ADAMTSL2: variants seen among roughly 807,000 people sequenced by gnomAD.
The protein encoded by ADAMTSL2 is ADAMTS-like protein 2.
In ADAMTSL2, 55 loss-of-function variants were observed where a neutral mutation model predicts 117.0. That is an observed-to-expected ratio of 0.47 (90% confidence interval 0.38 to 0.59). The LOEUF is 0.59. ADAMTSL2 is among the 20% of genes least tolerant of loss of function. The pLI, the probability that ADAMTSL2 is intolerant of heterozygous loss-of-function variation, is 0.00. For synonymous variants in ADAMTSL2, 572 were observed against 566.4 expected (o/e 1.01, Z -0.14); for missense variants, 1,182 against 1,354.5 (o/e 0.87, Z 2.00).
chr9:133,569,060 C>T (rs1265633915), intron 15 of ADAMTSL2, among the ~76,000 whole-genome samples: 6 of 151,708 alleles, frequency 4.0e-5, no homozygotes, highest in South Asian at 2.1e-4. Context: ...TGTTTGTCTC[C>T]GAGTCTCTCT....
Position 133,554,707 on chromosome 9 carries a change from G to A in ADAMTSL2, c.1276+14G>A. The A allele has an allele frequency of 1.4e-6, 2 of 1,476,878 alleles. No individual in the cohort carries two copies. The highest frequency in any genetic ancestry group is 2.5e-5 in the East Asian group (1 of 40,630). The allele number at this position is 1,476,878 out of a possible 1,614,324, so 91.5% of individuals were successfully genotyped here. On this transcript the variant is annotated intron_variant, in intron 10 of 18. Coordinates refer to ENST00000651351, the MANE Select transcript of ADAMTSL2 (RefSeq NM_014694.4). The surrounding 1 kb of genome is among the most constrained non-coding windows in gnomAD (Gnocchi z 5.2). ...AGGGCTTCCGAGGTAACCAGGAGGA[G>A]GGAGGCATGAGGGTGGGGCCCGGGA...
intron 1 of ADAMTSL2, 72 bp downstream of exon 1, chr9:133,534,989 T>TG (rs1403210400): frequency 1.5e-6 from 2 of 1,321,514 alleles, no homozygotes; most frequent in East Asian, 6.2e-5. Flanking sequence ...AGAGTGGGGC[T>TG]GGGGGTAGGA....
chr9:133,565,663 C>T (rs1830952666), intron 12 of ADAMTSL2, among the ~76,000 whole-genome samples: 1 of 152,240 alleles, frequency 6.6e-6, no homozygotes, highest in Admixed American at 6.5e-5. Context: ...CTGTTTCGTT[C>T]CATCCAGCGC....
intron 18 of ADAMTSL2, among the ~76,000 whole-genome samples, 167 bp from the exon 19 acceptor site, chr9:133,574,579 G>C (rs1831184186): frequency 6.6e-6 from 1 of 152,176 alleles, no homozygotes; most frequent in South Asian, 2.1e-4. Context: ...CGACATCTTG[G>C]GGACAGAGAT....
rs1206139355 is a variant in ADAMTSL2, at chr9:133,568,170, T to A, written c.1875-103T>A. ...TTGTTGTGTGCGGTTTTGGACCACA[T>A]AGGGGAGGAAGGGAGGAGCCGCGTT... On this transcript the variant is annotated intron_variant, in intron 13 of 18. Transcript: ENST00000651351. 7 of 1,208,196 alleles carry A rather than the reference T, an allele frequency of 5.8e-6. No individual in the cohort carries two copies. The Admixed American group carries it at 1.4e-4, about 24-fold the overall frequency. 74.8% of individuals were successfully genotyped at this position (1,208,196 alleles called of 1,614,324 possible). A position where few individuals can be genotyped will look rare whatever the true frequency, so the allele number is the denominator to read the frequency against.
At position 133,554,569 on chromosome 9, in the gene ADAMTSL2, G is replaced by T; in HGVS notation, c.1152G>T (p.Arg384=). 1 of 1,546,758 alleles carries T rather than the reference G, an allele frequency of 6.5e-7. No individual in the cohort carries two copies. The highest frequency in any genetic ancestry group is 1.2e-5 in the South Asian group (1 of 84,078). ...CAGAGCGGCTGGGCCTGGACAACCG[G>T]CTGTTCGGCCACCCGGGCCTGGACA... ...ASSERLGLDN[R]LFGHPGLDME... The change falls in exon 10 of 19, where the codon CGG becomes CGT. Residue 384 remains arginine, a synonymous_variant. Coordinates refer to ENST00000651351, the MANE Select transcript of ADAMTSL2 (RefSeq NM_014694.4). This position sits in a 1 kb window ranked among gnomAD's most constrained non-coding sequence, Gnocchi z 5.2.
chr9:133,573,022 G>A (rs951723429), intron 17 of ADAMTSL2, among the ~76,000 whole-genome samples: 3 of 152,208 alleles, frequency 2.0e-5, no homozygotes, highest in East Asian at 1.9e-4. Flanking sequence ...CCCCTGGCTC[G>A]GAGCAGGCAG....
At chr9:133,538,632 T>A (rs1858838) in intron 4 of ADAMTSL2, among the ~76,000 whole-genome samples, 2 of 151,892 alleles carry the variant, frequency 1.3e-5, no homozygotes, top group African/African-American at 4.8e-5. Context: ...GTCCCTGTGC[T>A]CACATGTGCT....
intron 11 of ADAMTSL2, among the ~76,000 whole-genome samples, chr9:133,559,914 G>A (rs970906125): frequency 6.6e-6 from 1 of 152,296 alleles, no homozygotes; most frequent in Admixed American, 6.5e-5. Flanking sequence ...AGCTCCTGTG[G>A]GTAGATCATT....
rs1830620876 is a variant in ADAMTSL2, at chr9:133,557,152, G to A, written c.1649+1222G>A. Among the ~76,000 whole-genome samples, 1 of 152,146 alleles carries A rather than the reference G, an allele frequency of 6.6e-6. No individual in the cohort carries two copies. Among genetic ancestry groups the A allele is most frequent in the Admixed American group, 6.5e-5 (1 of 15,284 alleles). ...TCAGGGTTCACTCTCGAGGTGATGT[G>A]GTTTGGGGCCACCCTCCCACCCATC... On this transcript the variant is annotated intron_variant, in intron 11 of 18. Transcript: ENST00000651351. This position sits in a 1 kb window ranked among gnomAD's most constrained non-coding sequence, Gnocchi z 5.2.
intron 4 of ADAMTSL2, among the ~76,000 whole-genome samples, chr9:133,539,408 C>G (rs1830139395): frequency 6.6e-6 from 1 of 152,228 alleles, no homozygotes; most frequent in Admixed American, 6.5e-5. Context: ...TCACTGTAGA[C>G]ACACAGTCAG....
Position 133,557,751 on chromosome 9 carries a change from C to A in ADAMTSL2, c.1649+1821C>A, listed in dbSNP as rs1284055781. On this transcript the variant is annotated intron_variant, in intron 11 of 18. Transcript: ENST00000651351. The surrounding 1 kb of genome is among the most constrained non-coding windows in gnomAD (Gnocchi z 5.2). The stretch of plus-strand genomic sequence containing the variant: ...AAGCTATTAGTAGAAAACTGAGCCT[C>A]CAAGTGGCAGCAGTGGGGGGTGCCT... 6.6e-6 allele frequency among the ~76,000 whole-genome samples: 1 copy of A among 152,184 alleles called. No individual in the cohort carries two copies. The highest frequency in any genetic ancestry group is 2.4e-5 in the African/African-American group (1 of 41,436).
At position 133,568,749 on chromosome 9, in the gene ADAMTSL2, C is replaced by A. The variant is rs1486247981; in HGVS notation, c.2235C>A (p.Asp745Glu). 59 of 1,613,044 alleles carry A rather than the reference C, an allele frequency of 3.7e-5. No individual in the cohort carries two copies. The African/African-American group carries it at 5.7e-4, about 16-fold the overall frequency. ...GTGACCGGCAGTGGACCGTCTCCGA[C>A]TGGGGACCGGTGAGGCCTGCACTGA... Reference protein sequence around the residue: ...PPCDRQWTVSDWGPCSGSCGQ... With the variant: ...PPCDRQWTVSEWGPCSGSCGQ... Residue 745 changes from aspartate (D) to glutamate (E), a missense_variant, in exon 15 of 19, where the codon GAC becomes GAA. Asp to Glu is a conservative substitution (Grantham distance 45). Transcript: ENST00000651351.
intron 12 of ADAMTSL2, among the ~76,000 whole-genome samples, chr9:133,562,571 AC>A (rs1260636614): frequency 0.018 from 1,743 of 94,546 alleles, 239 homozygotes; most frequent in African/African-American, 0.039. Context: ...CGTGGCGGGC[AC>A]CCTGCTGGGC....
chr9:133,561,237 G>C lies in ADAMTSL2; in HGVS notation c.1689G>C (p.Ala563=). ...PKARKQGVSP[A]DMYRWKLSSH... ...CGCGCAAGCAAGGCGTGAGTCCCGC[G>C]GACATGTACCGGTGGAAGCTCTCGT... Residue 563 remains alanine, a synonymous_variant, in exon 12 of 19, where the codon GCG becomes GCC. Transcript: ENST00000651351. 2 of 1,608,542 alleles carry C rather than the reference G, an allele frequency of 1.2e-6. No individual in the cohort carries two copies. The highest frequency in any genetic ancestry group is 4.5e-5 in the East Asian group (2 of 44,760).
In ADAMTSL2 at chr9:133,567,081, C is replaced by G; in HGVS notation, c.1874+19C>G. On this transcript the variant is annotated intron_variant, in intron 13 of 18. Transcript: ENST00000651351. ...AGCCCAGGTACCTGCCACCAGGGGC[C>G]CTGGGCAGGGGGTCGGCAGGGGGCG... is the stretch of plus-strand genomic sequence containing the variant. 7 of 1,600,626 alleles carry G rather than the reference C, an allele frequency of 4.4e-6. No homozygotes were observed. Among genetic ancestry groups the G allele is most frequent in the Admixed American group, 1.7e-5 (1 of 59,462 alleles).
At chr9:133,535,448 C>T (rs975638186) in intron 1 of ADAMTSL2, among the ~76,000 whole-genome samples, 5 of 152,080 alleles carry the variant, frequency 3.3e-5, no homozygotes, top group African/African-American at 9.7e-5. Context: ...CTGCGTCGTC[C>T]GGGCTGCAGT....
intron 17 of ADAMTSL2, among the ~76,000 whole-genome samples, chr9:133,571,904 G>A (rs1454908968): frequency 3.9e-5 from 6 of 152,202 alleles, no homozygotes; most frequent in Non-Finnish European, 5.9e-5. Flanking sequence ...GGTGTCAGAC[G>A]GAACTCAGAG....
chr9:133,534,534 A>C, upstream of ADAMTSL2: 1 of 718,892 alleles, frequency 1.4e-6, no homozygotes, highest in Non-Finnish European at 1.9e-6. Flanking sequence ...CGCCGCCGGC[A>C]GCAGCCAACA....
Sources: allele counts gnomAD v4.1 joint callset (sites outside exome capture counted in the v4.1 genomes callset), GRCh38; gene constraint gnomAD v4.1.1; non-coding constraint Gnocchi (gnomAD v3.1); transcripts MANE v1.5; gene names NCBI Gene and HGNC (gene_info 2026-07-23, HGNC 2026-07-21).